The following KIF27 variants were observed in gnomAD, a reference collection of about 807,000 sequenced individuals.
The protein encoded by KIF27 is kinesin-like protein KIF27.
A neutral mutation model predicts 141.8 loss-of-function variants in KIF27; 84 were observed. The observed-to-expected ratio is 0.59, with a 90% CI of 0.50 to 0.71. KIF27 has a LOEUF of 0.71. Among genes scored for constraint, KIF27 ranks in the 30% least tolerant of loss-of-function variants. KIF27 has a pLI of 0.00. For missense variants in KIF27, 1,306 were observed against 1,628.4 expected (o/e 0.80, Z 3.41); for synonymous variants, 471 against 569.5 (o/e 0.83, Z 2.46).
chr9:83,920,765 A>G (rs1956176418), intron 1 of KIF27, among the ~76,000 whole-genome samples: 1 of 152,144 alleles, frequency 6.6e-6, no homozygotes, highest in South Asian at 2.1e-4. Context: ...TTTGCTCTTT[A>G]TAGTCACCTG....
At chr9:83,843,252 G>C (rs1343838020) in intron 16 of KIF27, among the ~76,000 whole-genome samples, 1 of 146,632 alleles carries the variant, frequency 6.8e-6, no homozygotes, top group Non-Finnish European at 1.5e-5. Flanking sequence ...CCAGCATAAA[G>C]TTCTAGTTTA....
In KIF27 at chr9:83,903,234, A is replaced by AGT. The variant is rs767402479; in HGVS notation, c.1282_1283dup (p.Val429LeufsTer4). 3.7e-6 allele frequency: 6 copies of AGT among 1,614,142 alleles called. No homozygotes were observed. The South Asian group carries it at 6.6e-5, about 18-fold the overall frequency. ...GTTGCTGCTTTTCGTTTAGTCTGACAGTATCTTTTAGGTCAACCAGGAAGG... is the reference window on the plus strand; with the variant it reads ...GTTGCTGCTTTTCGTTTAGTCTGACAGTGTATCTTTTAGGTCAACCAGGAAGG... On this transcript the variant is annotated frameshift_variant, in exon 4 of 18. Transcript: ENST00000297814. LOFTEE classifies it high-confidence loss of function.
rs371440040 is a variant in KIF27 at position 83,891,473 on chromosome 9, A to T, written c.1631T>A (p.Leu544His). 1 of 1,613,386 alleles carries T rather than the reference A, an allele frequency of 6.2e-7. No individual in the cohort carries two copies. The highest frequency in any genetic ancestry group is 1.1e-5 in the South Asian group (1 of 91,026). The part of the protein sequence containing the change: ...QNEKIIEQQL[L>H]VDQLSEELTK... Reference sequence around the variant, plus strand: ...TAGTTCTTCACTCAGTTGATCCACAAGAAGTTGTTGTTCTATTATTTTTTC... The same window carrying T: ...TAGTTCTTCACTCAGTTGATCCACATGAAGTTGTTGTTCTATTATTTTTTC... Residue 544 changes from leucine to histidine, a missense_variant, in exon 6 of 18, where the codon CTT (leucine) becomes CAT (histidine). By Grantham distance (99) the Leu-to-His change is moderately conservative. Around this residue, in one of 4 missense-constraint regions of KIF27, gnomAD observed 596 missense variants for 751.6 expected, o/e 0.79. Transcript: ENST00000297814.
At chr9:83,917,218 C>T (rs1955791704) in intron 1 of KIF27, among the ~76,000 whole-genome samples, 2 of 150,110 alleles carry the variant, frequency 1.3e-5, no homozygotes, top group Admixed American at 6.7e-5. Flanking sequence ...AAAAACAATT[C>T]CATTTACAAT....
intron 13 of KIF27, among the ~76,000 whole-genome samples, chr9:83,862,533 T>C (rs1950025934): frequency 6.6e-6 from 1 of 152,208 alleles, no homozygotes; most frequent in Non-Finnish European, 1.5e-5. Flanking sequence ...CACTGGTCTA[T>C]ATCTCTGTTT....
Position 83,908,441 on chromosome 9 carries a change from T to C in KIF27, c.499+11A>G. On this transcript the variant is annotated intron_variant, in intron 3 of 17. Transcript: ENST00000297814. ...GCTAATGAAGGCAACTGATTAAGTGTGCTACTTTACCTGTGTTTCCTTTTT... is the reference window on the plus strand; with the variant it reads ...GCTAATGAAGGCAACTGATTAAGTGCGCTACTTTACCTGTGTTTCCTTTTT... 6.4e-7 allele frequency: 1 copy of C among 1,569,668 alleles called. No individual in the cohort carries two copies. Among genetic ancestry groups the C allele is most frequent in the Non-Finnish European group, 8.7e-7 (1 of 1,145,552 alleles).
chr9:83,887,418 A>G (rs868432206), intron 8 of KIF27, among the ~76,000 whole-genome samples: 2 of 152,230 alleles, frequency 1.3e-5, no homozygotes, highest in African/African-American at 4.8e-5. Flanking sequence ...ACATGTATGT[A>G]TATATTCTTT....
At chr9:83,917,848 A>G (rs1474946034) in intron 1 of KIF27, among the ~76,000 whole-genome samples, 3 of 152,222 alleles carry the variant, frequency 2.0e-5, no homozygotes, top group Non-Finnish European at 4.4e-5. Flanking sequence ...AAAACTCTTA[A>G]AAGACAGGAG....
At chr9:83,840,844 A>T (rs1325015195) in intron 17 of KIF27, among the ~76,000 whole-genome samples, 4 of 152,126 alleles carry the variant, frequency 2.6e-5, no homozygotes, top group Non-Finnish European at 5.9e-5. Context: ...TCACGTCTTT[A>T]TCCTCAGGCA....
At chr9:83,839,334 C>T (rs557805792) in intron 17 of KIF27, among the ~76,000 whole-genome samples, 87 of 152,170 alleles carry the variant, frequency 5.7e-4, no homozygotes, top group African/African-American at 2.0e-3. Flanking sequence ...TTGAGGGAAC[C>T]GACTAGGGAA....
At chr9:83,915,118 CAATATTT>C (rs1334144098) in intron 2 of KIF27, among the ~76,000 whole-genome samples, 169 bp downstream of exon 2, 2 of 152,142 alleles carry the variant, frequency 1.3e-5, no homozygotes, top group African/African-American at 4.8e-5. Flanking sequence ...AATGAAACTT[CAATATTT>C]AAAAACGAAT....
chr9:83,886,600 A>G (rs1305952356), intron 9 of KIF27, among the ~76,000 whole-genome samples: 3 of 152,128 alleles, frequency 2.0e-5, no homozygotes, highest in Non-Finnish European at 4.4e-5. Flanking sequence ...TATAAAAACT[A>G]CTGACGCATA....
intron 1 of KIF27, among the ~76,000 whole-genome samples, chr9:83,915,904 G>A (rs1349629996): frequency 6.6e-6 from 1 of 152,114 alleles, no homozygotes; most frequent in Admixed American, 6.5e-5. Flanking sequence ...GTTGATAAAT[G>A]ATGAAGCTAG....
Position 83,904,048 on chromosome 9 carries a change from C to T in KIF27, c.500-30G>A, listed in dbSNP as rs1173152100. 2.0e-6 allele frequency: 3 copies of T among 1,524,274 alleles called. No homozygotes were observed. In the African/African-American group the frequency reaches 4.1e-5, roughly 21 times the overall value. 94.4% of individuals were successfully genotyped at this position (1,524,274 alleles called of 1,614,324 possible). A position where few individuals can be genotyped will look rare whatever the true frequency, so the allele number is the denominator to read the frequency against. On this transcript the variant is annotated intron_variant, in intron 3 of 17. Transcript: ENST00000297814. ...AAATAGTAATAACATGTTTTTAAGC[C>T]AAGTTTTCATCAAAACCTAGTATAG...
At chr9:83,914,946 G>A (rs1955544353) in intron 2 of KIF27, among the ~76,000 whole-genome samples, 1 of 152,140 alleles carries the variant, frequency 6.6e-6, no homozygotes, top group African/African-American at 2.4e-5. Flanking sequence ...CTGATTGCGG[G>A]ACTCTTAATA....
intron 6 of KIF27, among the ~76,000 whole-genome samples, chr9:83,890,196 TCCTA>T (rs1187511288): frequency 4.6e-5 from 7 of 152,172 alleles, no homozygotes; most frequent in African/African-American, 1.4e-4. Flanking sequence ...TCCTAAAAAA[TCCTA>T]CCTGATTCTG....
At chr9:83,878,161 CAAAAAAAAAAAAAAAA>C (rs58897060) in intron 11 of KIF27, among the ~76,000 whole-genome samples, 1 of 38,456 alleles carries the variant, frequency 2.6e-5, no homozygotes, top group South Asian at 1.3e-3. Context: ...GACTCTGTCT[CAAAAAAAAAAAAAAAA>C]AAAAAAAAAA....
chr9:83,916,048 G>A (rs1388383410), intron 1 of KIF27, among the ~76,000 whole-genome samples: 4 of 152,100 alleles, frequency 2.6e-5, no homozygotes, highest in Admixed American at 1.3e-4. Flanking sequence ...CTGTACACAC[G>A]TTTTTTTGTT....
chr9:83,900,310 T>TAA (rs1953737526), intron 4 of KIF27, among the ~76,000 whole-genome samples: 1 of 145,022 alleles, frequency 6.9e-6, no homozygotes, highest in Admixed American at 7.2e-5. Flanking sequence ...AATTTGCCGA[T>TAA]TTTTAAGTAC....
Sources: gnomAD v4.1 joint callset for allele counts (sites outside exome capture counted in the v4.1 genomes callset) on GRCh38, gnomAD v4.1.1 for gene constraint, gnomAD v4.1.1 regional missense constraint, MANE v1.5 for transcripts, NCBI Gene and HGNC (gene_info 2026-07-23, HGNC 2026-07-21) for gene names.